DNAH11: variants seen among roughly 807,000 people sequenced by gnomAD.
DNAH11 encodes the protein axonemal beta dynein heavy chain 11.
A neutral mutation model predicts 526.0 loss-of-function variants in DNAH11; 442 were observed. The ratio of observed to expected loss-of-function variants is 0.84; its 90% CI spans 0.78 to 0.91. The LOEUF (loss-of-function observed/expected upper bound fraction) is 0.91, where lower values mean the gene tolerates loss of function less well. DNAH11 is among the 40% of genes least tolerant of loss of function. The probability of loss-of-function intolerance (pLI) is 0.00; values close to 1 mark genes in which losing one functional copy is unlikely to be tolerated. For missense variants in DNAH11, 6,989 were observed against 5,448.7 expected (o/e 1.28, Z -8.90); for synonymous variants, 2,461 against 1,935.9 (o/e 1.27, Z -7.12).
intron 18 of DNAH11, among the ~76,000 whole-genome samples, chr7:21,604,647 T>A (rs1163234503): frequency 6.6e-6 from 1 of 152,200 alleles, no homozygotes; most frequent in Non-Finnish European, 1.5e-5. Flanking sequence ...TGAGAGGCTT[T>A]GGAGATCATC....
intron 73 of DNAH11, 105 bp from the exon 74 acceptor site, chr7:21,873,169 T>C: frequency 9.7e-7 from 1 of 1,034,840 alleles, no homozygotes. Context: ...ATTTGAATCA[T>C]GGTTCTCTGA....
Position 21,735,697 on chromosome 7 carries a change from C to A in DNAH11, c.7498C>A (p.Leu2500Ile), listed in dbSNP as rs1380398868. 5 of 1,613,346 alleles carry A rather than the reference C, an allele frequency of 3.1e-6. No individual in the cohort carries two copies. The Admixed American group carries it at 8.3e-5, about 27-fold the overall frequency. ...ARLRYFMELL[L>I]EKGKPLMLVG... ...TCTTAGATATTTCATGGAGTTGTTG[C>A]TTGAGAAAGGAAAACCTCTAATGCT... The change falls in exon 46 of 82, where the codon CTT (leucine) becomes ATT (isoleucine). Residue 2500 changes from leucine (L) to isoleucine (I), a missense_variant. Physicochemically the swap from Leu to Ile is conservative, Grantham distance 5. Coordinates refer to ENST00000409508, the MANE Select transcript of DNAH11 (RefSeq NM_001277115.2).
chr7:21,717,621 T>A (rs560737806), intron 42 of DNAH11, among the ~76,000 whole-genome samples, 154 bp from the exon 43 acceptor site: 14 of 152,330 alleles, frequency 9.2e-5, no homozygotes, highest in Non-Finnish European at 1.6e-4. Flanking sequence ...AGGGCCATTT[T>A]AAAATATTTG....
intron 54 of DNAH11, among the ~76,000 whole-genome samples, chr7:21,754,125 T>C (rs1562527188): frequency 6.6e-6 from 1 of 152,172 alleles, no homozygotes; most frequent in Non-Finnish European, 1.5e-5. Flanking sequence ...CCTCATTGCA[T>C]TGGTAAATAT....
At chr7:21,546,718 A>T (rs1782818203) in intron 2 of DNAH11, among the ~76,000 whole-genome samples, 1 of 152,234 alleles carries the variant, frequency 6.6e-6, no homozygotes, top group Non-Finnish European at 1.5e-5. Flanking sequence ...ACGTTGGCCC[A>T]CATTTCAAAA....
chr7:21,630,279 C>T (rs1786543818), intron 25 of DNAH11, among the ~76,000 whole-genome samples: 1 of 151,994 alleles, frequency 6.6e-6, no homozygotes, highest in East Asian at 1.9e-4. Flanking sequence ...TATCTCTTAA[C>T]CGTTTGCTGT....
intron 65 of DNAH11, among the ~76,000 whole-genome samples, chr7:21,829,231 C>T (rs1195626999): frequency 6.6e-6 from 1 of 151,328 alleles, no homozygotes; most frequent in East Asian, 1.9e-4. Flanking sequence ...TGTGTTTCCC[C>T]CCACCCCCCG....
chr7:21,801,445 A>G (rs558908695), intron 62 of DNAH11, among the ~76,000 whole-genome samples, 170 bp downstream of exon 62: 1 of 152,362 alleles, frequency 6.6e-6, no homozygotes, highest in African/African-American at 2.4e-5. Flanking sequence ...GAAATGTTCA[A>G]GTACATATCT....
chr7:21,789,850 T>TTCTTTCTTTCTC (rs1234806386), intron 61 of DNAH11, among the ~76,000 whole-genome samples: 20 of 143,666 alleles, frequency 1.4e-4, no homozygotes, highest in African/African-American at 4.9e-4. Flanking sequence ...CTTTCTTTCT[T>TTCTTTCTTTCTC]TCTCTCTCCT....
chr7:21,619,922 T>G, intron 24 of DNAH11, 34 bp from the exon 25 acceptor site: 8 of 1,527,550 alleles, frequency 5.2e-6, no homozygotes, highest in Non-Finnish European at 7.0e-6. Flanking sequence ...ATCAATTAAA[T>G]TTTGTGCACA....
intron 65 of DNAH11, among the ~76,000 whole-genome samples, chr7:21,835,282 C>T (rs948489348): frequency 6.7e-6 from 1 of 149,468 alleles, no homozygotes; most frequent in Non-Finnish European, 1.5e-5. Context: ...TCCAGCATCA[C>T]CCTGATACTA....
At chr7:21,564,474 C>A in intron 6 of DNAH11, 77 bp downstream of exon 6, 1 of 1,054,126 alleles carries the variant, frequency 9.5e-7, no homozygotes, top group Non-Finnish European at 1.4e-6. Flanking sequence ...GAAGAATAAT[C>A]TAGTATACAG....
intron 30 of DNAH11, among the ~76,000 whole-genome samples, chr7:21,674,395 C>T (rs1007390410): frequency 6.6e-6 from 1 of 152,050 alleles, no homozygotes; most frequent in Admixed American, 6.6e-5. Context: ...GGGTCTCGCT[C>T]TGTCACCCAG....
intron 8 of DNAH11, among the ~76,000 whole-genome samples, chr7:21,580,445 A>G (rs567011380): frequency 1.3e-5 from 2 of 152,356 alleles, no homozygotes; most frequent in South Asian, 2.1e-4. Flanking sequence ...CTTTGCTGTT[A>G]CACTGCTTTT....
intron 72 of DNAH11, among the ~76,000 whole-genome samples, 199 bp downstream of exon 72, chr7:21,868,206 C>G (rs561798319): frequency 8.6e-5 from 13 of 151,492 alleles, no homozygotes; most frequent in Admixed American, 8.6e-4. Context: ...ATTCATGTGG[C>G]TGGCATAATG....
chr7:21,847,307 A>C (rs911812791), intron 66 of DNAH11, among the ~76,000 whole-genome samples: 1 of 152,214 alleles, frequency 6.6e-6, no homozygotes, highest in Non-Finnish European at 1.5e-5. Flanking sequence ...CTACTTTTCT[A>C]ATATATGCAT....
chr7:21,881,721 ATTG>A (rs1783931738), intron 75 of DNAH11, among the ~76,000 whole-genome samples: 1 of 152,148 alleles, frequency 6.6e-6, no homozygotes, highest in Non-Finnish European at 1.5e-5. Context: ...AATGGAAACT[ATTG>A]TTTTATGTTC....
intron 76 of DNAH11, among the ~76,000 whole-genome samples, chr7:21,890,741 A>G (rs1784298996): frequency 2.0e-5 from 3 of 152,248 alleles, no homozygotes; most frequent in Middle Eastern, 6.8e-3. Flanking sequence ...GTGACATTTA[A>G]ATTTTCATTA....
At chr7:21,556,106 C>T (rs533329216) in intron 2 of DNAH11, among the ~76,000 whole-genome samples, 27 of 152,286 alleles carry the variant, frequency 1.8e-4, no homozygotes, top group African/African-American at 6.0e-4. Flanking sequence ...TTCTCACAGA[C>T]GGTGCCTAAG....
Sources: gnomAD v4.1 joint callset for allele counts (sites outside exome capture counted in the v4.1 genomes callset) on GRCh38, gnomAD v4.1.1 for gene constraint, MANE v1.5 for transcripts, NCBI Gene and HGNC (gene_info 2026-07-23, HGNC 2026-07-21) for gene names.